Variants in PPP3R1 observed in about 807,000 individuals in gnomAD.
The protein encoded by PPP3R1 is calcineurin subunit B type 1.
A neutral mutation model predicts 22.6 loss-of-function variants in PPP3R1; 5 were observed. The observed-to-expected ratio is 0.22, with a 90% confidence interval of 0.12 to 0.46. The LOEUF (loss-of-function observed/expected upper bound fraction) is 0.46. Ranked by LOEUF, PPP3R1 falls within the 20% of genes least tolerant of loss-of-function variation. The probability of loss-of-function intolerance (pLI) is 0.99; values close to 1 mark genes in which losing one functional copy is unlikely to be tolerated. For missense variants in PPP3R1, 61 were observed against 203.2 expected, an observed-to-expected ratio of 0.30 and a Z score of 4.25; for synonymous variants, 56 against 65.2, an observed-to-expected ratio of 0.86 and a Z score of 0.68.
chr2:68,240,870 A>G (rs906806808), intron 1 of PPP3R1, among the ~76,000 whole-genome samples: 14 of 152,244 alleles, frequency 9.2e-5, no homozygotes, highest in Non-Finnish European at 1.5e-4. Flanking sequence ...CATATTTGAG[A>G]GAGTCTTGGA....
At chr2:68,214,861 C>A (rs1437377697) in intron 2 of PPP3R1, among the ~76,000 whole-genome samples, 2 of 151,994 alleles carry the variant, frequency 1.3e-5, no homozygotes, top group Non-Finnish European at 2.9e-5. Context: ...TTATTATTCA[C>A]AATAGCAAAG....
chr2:68,232,359 C>T (rs910449156), intron 1 of PPP3R1, among the ~76,000 whole-genome samples: 6 of 146,844 alleles, frequency 4.1e-5, no homozygotes, highest in African/African-American at 7.5e-5. Context: ...GAGAATCACT[C>T]GAACCTGGGA....
At chr2:68,244,686 T>G (rs1357021918) in intron 1 of PPP3R1, among the ~76,000 whole-genome samples, 1 of 152,064 alleles carries the variant, frequency 6.6e-6, no homozygotes, top group Non-Finnish European at 1.5e-5. Flanking sequence ...CATCTTTCTC[T>G]TACCAAAAAA....
At chr2:68,251,514 G>C (rs1478201983) in intron 1 of PPP3R1, among the ~76,000 whole-genome samples, 1 of 152,164 alleles carries the variant, frequency 6.6e-6, no homozygotes, top group African/African-American at 2.4e-5. Flanking sequence ...AAGCAGCAGC[G>C]AACGGAAACC....
chr2:68,212,140 G>A (rs1669500033), intron 2 of PPP3R1, among the ~76,000 whole-genome samples: 1 of 152,156 alleles, frequency 6.6e-6, no homozygotes, highest in African/African-American at 2.4e-5. Context: ...GAGCGCAGTA[G>A]TGTGATCTCT....
rs1351508122 is a variant in PPP3R1 at position 68,194,554 on chromosome 2, T to A, written c.44-5864A>T. Among the ~76,000 whole-genome samples the A allele has an allele frequency of 1.3e-5, 2 of 152,128 alleles. 1 individual carries two copies. Among genetic ancestry groups the A allele is most frequent in the Non-Finnish European group, 2.9e-5 (2 of 67,964 alleles). Reference sequence around the variant, plus strand: ...TGAAACATAAATCATCTCCCTTATATATTTCTCTCATTTAGAAAAAAAGAA... The same window carrying A: ...TGAAACATAAATCATCTCCCTTATAAATTTCTCTCATTTAGAAAAAAAGAA... On this transcript the variant is annotated intron_variant, in intron 2 of 5. Transcript: ENST00000234310.
chr2:68,186,998 A>G (rs1240194869), intron 4 of PPP3R1, among the ~76,000 whole-genome samples: 4 of 152,190 alleles, frequency 2.6e-5, no homozygotes, highest in South Asian at 4.1e-4. Context: ...TCTAAATTAC[A>G]TATGTAGTTT....
chr2:68,217,190 TAAACC>T, intron 1 of PPP3R1, 59 bp from the exon 2 acceptor site: 10 of 1,228,026 alleles, frequency 8.1e-6, no homozygotes, highest in Non-Finnish European at 1.2e-5. Flanking sequence ...TTTAAAATAT[TAAACC>T]TAAATATTTT....
At chr2:68,239,355 T>C (rs1670074994) in intron 1 of PPP3R1, among the ~76,000 whole-genome samples, 3 of 152,126 alleles carry the variant, frequency 2.0e-5, no homozygotes, top group Admixed American at 2.0e-4. Flanking sequence ...AAATAAACAA[T>C]ATATGAAGTG....
chr2:68,223,073 T>C (rs1190844384), intron 1 of PPP3R1, among the ~76,000 whole-genome samples: 1 of 152,132 alleles, frequency 6.6e-6, no homozygotes, highest in Non-Finnish European at 1.5e-5. Context: ...AGCACTACTG[T>C]GATGCCAAAA....
chr2:68,246,067 C>CTTT (rs746584723), intron 1 of PPP3R1, among the ~76,000 whole-genome samples: 214 of 73,712 alleles, frequency 2.9e-3, no homozygotes, highest in African/African-American at 6.8e-3. Context: ...TTCTTTCTTT[C>CTTT]TTTTTTTTTT....
At chr2:68,234,129 G>T (rs1436028302) in intron 1 of PPP3R1, among the ~76,000 whole-genome samples, 1 of 152,116 alleles carries the variant, frequency 6.6e-6, no homozygotes, top group Non-Finnish European at 1.5e-5. Flanking sequence ...AGATCACGAG[G>T]TCAGGAGATC....
intron 1 of PPP3R1, among the ~76,000 whole-genome samples, chr2:68,219,516 T>C (rs1400896023): frequency 1.3e-5 from 2 of 152,146 alleles, no homozygotes; most frequent in African/African-American, 4.8e-5. Context: ...GTTTGGTGTG[T>C]GGGCTATAGT....
intron 5 of PPP3R1, among the ~76,000 whole-genome samples, chr2:68,183,064 CT>C (rs1430399863): frequency 1.3e-5 from 2 of 152,204 alleles, no homozygotes; most frequent in African/African-American, 4.8e-5. Flanking sequence ...GCTGGACCCT[CT>C]GCTTCCTGGA....
At chr2:68,252,101 G>A in intron 1 of PPP3R1, 24 bp downstream of exon 1, 1 of 1,427,854 alleles carries the variant, frequency 7.0e-7, no homozygotes. Context: ...GAGGGATGGT[G>A]CATCGAGGAA....
chr2:68,226,587 AAACTATTTACAC>A (rs1669784726), intron 1 of PPP3R1, among the ~76,000 whole-genome samples: 1 of 152,148 alleles, frequency 6.6e-6, no homozygotes, highest in Non-Finnish European at 1.5e-5. Flanking sequence ...GAGACACCAA[AAACTATTTACAC>A]TTACAGTAAT....
intron 2 of PPP3R1, among the ~76,000 whole-genome samples, chr2:68,207,640 C>A (rs932791962): frequency 6.6e-6 from 1 of 152,162 alleles, no homozygotes; most frequent in Non-Finnish European, 1.5e-5. Context: ...TGTTCTTTGA[C>A]TGAGAAATAA....
chr2:68,214,986 A>T (rs913462134), intron 2 of PPP3R1, among the ~76,000 whole-genome samples: 1 of 152,208 alleles, frequency 6.6e-6, no homozygotes, highest in East Asian at 1.9e-4. Flanking sequence ...CTTCTGCAGC[A>T]ACACGGATGC....
intron 1 of PPP3R1, among the ~76,000 whole-genome samples, chr2:68,246,066 T>C (rs1430591473): frequency 7.8e-6 from 1 of 128,972 alleles, no homozygotes; most frequent in Non-Finnish European, 1.6e-5. Flanking sequence ...TTTCTTTCTT[T>C]CTTTTTTTTT....
Sources: gnomAD v4.1 joint callset for allele counts (sites outside exome capture counted in the v4.1 genomes callset) on GRCh38, gnomAD v4.1.1 for gene constraint, MANE v1.5 for transcripts, NCBI Gene and HGNC (gene_info 2026-07-23, HGNC 2026-07-21) for gene names.